Variants in COP1 observed in about 807,000 individuals in gnomAD.
The protein encoded by COP1 is COP1 E3 ubiquitin ligase.
In COP1, 24 loss-of-function variants were observed where a neutral mutation model predicts 101.3. That is an observed-to-expected ratio of 0.24 (90% CI 0.17 to 0.33). The LOEUF (loss-of-function observed/expected upper bound fraction) is 0.33. Ranked by LOEUF, COP1 falls within the 10% of genes least tolerant of loss-of-function variation. The pLI is 1.00. For synonymous variants in COP1, 347 were observed against 341.9 expected (o/e 1.01, Z -0.17); for missense variants, 663 against 906.2 (o/e 0.73, Z 3.45).
At chr1:176,200,632 G>A (rs1284821225) in intron 1 of COP1, among the ~76,000 whole-genome samples, 1 of 152,144 alleles carries the variant, frequency 6.6e-6, no homozygotes, top group Non-Finnish European at 1.5e-5. Flanking sequence ...AGAAACAGAG[G>A]CAAAATCAGT....
intron 3 of COP1, among the ~76,000 whole-genome samples, chr1:176,171,981 A>G (rs1260584091): frequency 6.6e-6 from 1 of 152,236 alleles, no homozygotes. Flanking sequence ...TACATTTTAA[A>G]AAGTGATAAA....
chr1:176,032,556 C>G (rs1668809770), intron 14 of COP1, among the ~76,000 whole-genome samples: 1 of 152,090 alleles, frequency 6.6e-6, no homozygotes, highest in African/African-American at 2.4e-5. Flanking sequence ...TGCAGTTGAG[C>G]TGTCCCTCCT....
chr1:175,966,668 CACTG>C (rs1432120389), intron 18 of COP1, among the ~76,000 whole-genome samples: 3 of 152,102 alleles, frequency 2.0e-5, no homozygotes, highest in Non-Finnish European at 4.4e-5. Flanking sequence ...CTTGGGTGGT[CACTG>C]ACTATGTACA....
intron 11 of COP1, among the ~76,000 whole-genome samples, chr1:176,074,934 A>T (rs902197977): frequency 2.0e-5 from 3 of 152,332 alleles, no homozygotes; most frequent in African/African-American, 7.2e-5. Flanking sequence ...AGTCCTTAAA[A>T]GCATAGTATA....
At position 175,949,801 on chromosome 1, in the gene COP1, T is replaced by A. The variant is rs138590545; in HGVS notation, c.2134-2562A>T. ...TCTGCCATTTTGGGTCTAGTCACCT[T>A]TTAATATAGAGAAGGAATGCAGAGA... On this transcript the variant is annotated intron_variant, in intron 18 of 19. Transcript: ENST00000367669. Among the ~76,000 whole-genome samples, 891 of 152,252 alleles carry A rather than the reference T, an allele frequency of 5.9e-3. 12 individuals carry two copies. The highest frequency in any genetic ancestry group is 0.021 in the African/African-American group (855 of 41,534).
At chr1:176,173,768 G>A (rs373775436) in intron 3 of COP1, among the ~76,000 whole-genome samples, 290 of 151,600 alleles carry the variant, frequency 1.9e-3, no homozygotes, top group African/African-American at 4.7e-3. Context: ...CGGGAGGATC[G>A]CTTGAGTCCA....
intron 18 of COP1, among the ~76,000 whole-genome samples, chr1:175,981,988 T>C (rs1268389722): frequency 6.6e-6 from 1 of 151,990 alleles, no homozygotes; most frequent in African/African-American, 2.4e-5. Flanking sequence ...AAATGACATC[T>C]GTGAAGTGGG....
chr1:175,972,866 C>T (rs1226622434), intron 18 of COP1, among the ~76,000 whole-genome samples: 4 of 152,176 alleles, frequency 2.6e-5, no homozygotes, highest in Non-Finnish European at 4.4e-5. Flanking sequence ...GAGTTTCGCT[C>T]TTGTTGCCCA....
At chr1:176,081,837 T>G (rs948154583) in intron 10 of COP1, among the ~76,000 whole-genome samples, 3 of 152,200 alleles carry the variant, frequency 2.0e-5, no homozygotes, top group Admixed American at 6.5e-5. Context: ...TATGAACTAT[T>G]AATTCTAAAA....
Position 176,149,209 on chromosome 1 carries a change from T to G in COP1, c.763-135A>C, listed in dbSNP as rs1692042836. 3 of 457,192 alleles carry G rather than the reference T, an allele frequency of 6.6e-6. No homozygotes were observed. The East Asian group carries it at 1.0e-4, about 16-fold the overall frequency. The allele number at this position is 457,192 out of a possible 1,614,324, so 28.3% of individuals were successfully genotyped here. A position where few individuals can be genotyped will look rare whatever the true frequency, so the allele number is the denominator to read the frequency against. On this transcript the variant is annotated intron_variant, in intron 5 of 19. Transcript: ENST00000367669. ...TCGTCTATTATTTCTATTTAATCAG[T>G]TTTCCCATTCCATTTGCTAATTGGC...
At chr1:176,148,493 CT>C (rs1253600906) in intron 6 of COP1, among the ~76,000 whole-genome samples, 1 of 151,720 alleles carries the variant, frequency 6.6e-6, no homozygotes, top group East Asian at 1.9e-4. Flanking sequence ...TGTGAAATGA[CT>C]GAGAAATTTT....
In COP1 at chr1:175,988,616, T is replaced by C. The variant is rs1255048655; in HGVS notation, c.1848-204A>G. The C allele has an allele frequency of 1.9e-5, 8 of 427,290 alleles. No individual in the cohort carries two copies. In the East Asian group the frequency reaches 2.1e-4, roughly 11 times the overall value. The allele number at this position is 427,290 out of a possible 1,614,324, so 26.5% of individuals were successfully genotyped here. A position where few individuals can be genotyped will look rare whatever the true frequency, so the allele number is the denominator to read the frequency against. On this transcript the variant is annotated intron_variant, in intron 16 of 19. Coordinates refer to ENST00000367669, the MANE Select transcript of COP1 (RefSeq NM_022457.7). The stretch of plus-strand genomic sequence containing the variant: ...GGTAGGCCGAGGCAGGTGGACCACC[T>C]GAGGTCTGGAGTTCGAGACCAGCCT...
intron 15 of COP1, among the ~76,000 whole-genome samples, chr1:175,991,081 T>C (rs1658319834): frequency 6.6e-6 from 1 of 152,124 alleles, no homozygotes; most frequent in Non-Finnish European, 1.5e-5. Context: ...CATTGGAGCA[T>C]TTCAGATTTT....
intron 9 of COP1, among the ~76,000 whole-genome samples, chr1:176,113,064 G>C (rs2481634): frequency 0.75 from 114,443 of 152,120 alleles, 44,963 homozygotes; most frequent in East Asian, 0.92. Flanking sequence ...TGGATATATA[G>C]CCAGCAGTGG....
At chr1:176,046,544 T>A (rs1385265774) in intron 11 of COP1, among the ~76,000 whole-genome samples, 1 of 152,110 alleles carries the variant, frequency 6.6e-6, no homozygotes, top group African/African-American at 2.4e-5. Flanking sequence ...TACACAATTG[T>A]GCACAGGTGT....
rs1301334530 is a variant in COP1, at chr1:175,988,268, G to A, written c.1972+20C>T. ...ACAAACACCTGTTAAAAAGTTCCTG[G>A]AAACGATGGTTTCACTTACCACAAG... On this transcript the variant is annotated intron_variant, in intron 17 of 19. Coordinates refer to ENST00000367669, the MANE Select transcript of COP1 (RefSeq NM_022457.7). 1.1e-5 allele frequency: 17 copies of A among 1,581,292 alleles called. No homozygotes were observed. Among genetic ancestry groups the A allele is most frequent in the Non-Finnish European group, 1.5e-5 (17 of 1,164,360 alleles).
intron 14 of COP1, among the ~76,000 whole-genome samples, chr1:176,035,646 G>T (rs1393412594): frequency 2.2e-5 from 3 of 135,642 alleles, no homozygotes; most frequent in Non-Finnish European, 4.7e-5. Flanking sequence ...CACAAAAAAG[G>T]TAACTAAACA....
chr1:176,145,925 A>G (rs1343119757), intron 6 of COP1, among the ~76,000 whole-genome samples: 2 of 152,190 alleles, frequency 1.3e-5, no homozygotes, highest in African/African-American at 4.8e-5. Context: ...CCGTTCTAGC[A>G]GTATTGCATT....
chr1:176,116,612 G>A lies in COP1; in HGVS notation c.1026+12C>T, dbSNP rs1686224524. ...TCATGGTATCATTAAAGCAAACAAA[G>A]ATATCGTTTACCTGAGAACTGCCAC... is the stretch of plus-strand genomic sequence containing the variant. On this transcript the variant is annotated intron_variant, in intron 9 of 19. Coordinates refer to ENST00000367669, the MANE Select transcript of COP1 (RefSeq NM_022457.7). 3 of 1,593,632 alleles carry A rather than the reference G, an allele frequency of 1.9e-6. No individual in the cohort carries two copies. Among genetic ancestry groups the A allele is most frequent in the African/African-American group, 1.3e-5 (1 of 74,474 alleles).
Sources: allele counts gnomAD v4.1 joint callset (sites outside exome capture counted in the v4.1 genomes callset), GRCh38; gene constraint gnomAD v4.1.1; transcripts MANE v1.5; gene names NCBI Gene and HGNC (gene_info 2026-07-23, HGNC 2026-07-21).